UNC5C: variants seen among roughly 807,000 people sequenced by gnomAD.
The protein encoded by UNC5C is unc-5 netrin receptor C.
In UNC5C, 47 loss-of-function variants were observed where a neutral mutation model predicts 99.8. The ratio of observed to expected loss-of-function variants is 0.47; its 90% CI spans 0.37 to 0.60. The LOEUF (loss-of-function observed/expected upper bound fraction) is 0.60, where lower values mean the gene tolerates loss of function less well. Among genes scored for constraint, UNC5C ranks in the 20% least tolerant of loss-of-function variants. The pLI is 0.00. For synonymous variants in UNC5C, 487 were observed against 452.2 expected, an observed-to-expected ratio of 1.08 and a Z score of -0.98; for missense variants, 1,062 against 1,165.9, an observed-to-expected ratio of 0.91 and a Z score of 1.30.
chr4:95,229,967 T>C (rs962465208), intron 7 of UNC5C, among the ~76,000 whole-genome samples: 1 of 151,968 alleles, frequency 6.6e-6, no homozygotes, highest in Admixed American at 6.6e-5. Context: ...TCTGCCACCA[T>C]GGCCAACTAA....
chr4:95,285,595 A>G (rs1309545038), intron 3 of UNC5C, among the ~76,000 whole-genome samples: 1 of 152,210 alleles, frequency 6.6e-6, no homozygotes, highest in African/African-American at 2.4e-5. Flanking sequence ...TCCATAAACT[A>G]TAGTATCTAA....
At chr4:95,422,238 C>T (rs550021372) in intron 1 of UNC5C, among the ~76,000 whole-genome samples, 75 of 152,226 alleles carry the variant, frequency 4.9e-4, no homozygotes, top group African/African-American at 1.6e-3. Flanking sequence ...ATCTTCTTGG[C>T]ATGTTATGGT....
intron 5 of UNC5C, chr4:95,248,205 T>C (rs943631360): frequency 4.1e-6 from 1 of 244,380 alleles, no homozygotes; most frequent in African/African-American, 2.4e-5. Context: ...ACTTCCACTC[T>C]TTTAGGATTT....
intron 1 of UNC5C, among the ~76,000 whole-genome samples, chr4:95,543,100 G>A (rs1722958349): frequency 6.6e-6 from 1 of 151,960 alleles, no homozygotes; most frequent in South Asian, 2.1e-4. Flanking sequence ...AATACCAAAG[G>A]TCTCATATTC....
At position 95,301,327 on chromosome 4, in the gene UNC5C, C is replaced by A. The variant is rs181383223; in HGVS notation, c.490+279G>T. On this transcript the variant is annotated intron_variant, in intron 3 of 15. Coordinates refer to ENST00000453304, the MANE Select transcript of UNC5C (RefSeq NM_003728.4). ...TCTCCTGCCTCAGCCTCCCGAGTAA[C>A]TGGGACTACAGGCGCCTGCCACCAT... Among the ~76,000 whole-genome samples, 745 of 151,570 alleles carry A rather than the reference C, an allele frequency of 4.9e-3. 7 individuals are homozygous for A. Among genetic ancestry groups the A allele is most frequent in the African/African-American group, 0.017 (713 of 41,376 alleles).
intron 4 of UNC5C, among the ~76,000 whole-genome samples, chr4:95,258,902 C>T (rs1257913198): frequency 6.7e-6 from 1 of 149,638 alleles, no homozygotes; most frequent in East Asian, 2.0e-4. Flanking sequence ...GCTGGGACTA[C>T]AGGCGCCCGC....
intron 1 of UNC5C, among the ~76,000 whole-genome samples, chr4:95,513,047 C>T (rs539943356): frequency 7.9e-5 from 12 of 152,162 alleles, no homozygotes; most frequent in Non-Finnish European, 1.5e-4. Context: ...GCATCACAAC[C>T]TCCACAAGTG....
intron 1 of UNC5C, among the ~76,000 whole-genome samples, chr4:95,395,224 A>G (rs1745477126): frequency 6.6e-6 from 1 of 152,114 alleles, no homozygotes; most frequent in Non-Finnish European, 1.5e-5. Flanking sequence ...ATGCAAAGTT[A>G]TTTGCTTTTT....
At chr4:95,453,253 A>G (rs1490563768) in intron 1 of UNC5C, among the ~76,000 whole-genome samples, 1 of 152,266 alleles carries the variant, frequency 6.6e-6, no homozygotes, top group African/African-American at 2.4e-5. Flanking sequence ...GAAAACAGAC[A>G]GATCAAAATC....
intron 1 of UNC5C, among the ~76,000 whole-genome samples, chr4:95,347,063 A>G (rs867211931): frequency 6.6e-6 from 1 of 152,102 alleles, no homozygotes; most frequent in Non-Finnish European, 1.5e-5. Context: ...CAAATTCAGT[A>G]AAGTTGCAGG....
chr4:95,185,254 C>G, intron 12 of UNC5C, 58 bp from the exon 13 acceptor site: 1 of 1,533,658 alleles, frequency 6.5e-7, no homozygotes, highest in Non-Finnish European at 8.7e-7. Context: ...CTTCTGTCAG[C>G]TCTCTCATTG....
chr4:95,242,560 G>A lies in UNC5C; in HGVS notation c.977C>T (p.Ser326Phe). ...DGRWTPWSKW[S>F]TCGTECTHWR... ...GTGGGTGCACTCAGTTCCACAAGTA[G>A]ACCACTTGCTCCATGGCGTCCACCT... Residue 326 changes from serine (S) to phenylalanine (F), a missense_variant, in exon 7 of 16, where the codon TCT (serine) becomes TTT (phenylalanine). Ser to Phe is a radical substitution (Grantham distance 155, BLOSUM62 -2). Coordinates refer to ENST00000453304, the MANE Select transcript of UNC5C (RefSeq NM_003728.4). The A allele has an allele frequency of 6.2e-7, 1 of 1,604,350 alleles. No homozygotes were observed. The highest frequency in any genetic ancestry group is 8.5e-7 in the Non-Finnish European group (1 of 1,174,902).
chr4:95,459,985 A>T (rs1747552845), intron 1 of UNC5C, among the ~76,000 whole-genome samples: 1 of 152,198 alleles, frequency 6.6e-6, no homozygotes, highest in Non-Finnish European at 1.5e-5. Context: ...ATTATTATTG[A>T]TAATAGCGAG....
chr4:95,180,446 T>TATCA (rs1736568239), intron 14 of UNC5C, among the ~76,000 whole-genome samples: 1 of 152,250 alleles, frequency 6.6e-6, no homozygotes, highest in Admixed American at 6.5e-5. Flanking sequence ...CAAAATCTTT[T>TATCA]ATCATCTTTT....
intron 1 of UNC5C, among the ~76,000 whole-genome samples, chr4:95,504,714 T>C (rs982230992): frequency 5.9e-5 from 9 of 152,018 alleles, no homozygotes; most frequent in African/African-American, 1.9e-4. Context: ...GCACGAAAAA[T>C]TAACCTTTGT....
Position 95,548,902 on chromosome 4 carries a change from C to A in UNC5C, c.-45G>T, listed in dbSNP as rs1437739571. ...GGGGGAGGGGAGGGGGACAGAGAGACGCGCAAACAGCTGAAAGCCCCACTG... is the reference window on the plus strand; with the variant it reads ...GGGGGAGGGGAGGGGGACAGAGAGAAGCGCAAACAGCTGAAAGCCCCACTG... On this transcript the variant is annotated 5_prime_UTR_variant, in exon 1 of 16. Coordinates refer to ENST00000453304, the MANE Select transcript of UNC5C (RefSeq NM_003728.4). 1.9e-6 allele frequency: 3 copies of A among 1,607,512 alleles called. No homozygotes were observed. The highest frequency in any genetic ancestry group is 2.5e-6 in the Non-Finnish European group (3 of 1,177,224).
At chr4:95,499,613 G>C (rs72876467) in intron 1 of UNC5C, among the ~76,000 whole-genome samples, 15,832 of 151,986 alleles carry the variant, frequency 0.1, 2,245 homozygotes, top group African/African-American at 0.32. Context: ...CTGATCTGGC[G>C]AGAGAAGTGA....
chr4:95,473,750 T>C (rs78208308), intron 1 of UNC5C, among the ~76,000 whole-genome samples: 216 of 152,256 alleles, frequency 1.4e-3, no homozygotes, highest in African/African-American at 4.9e-3. Flanking sequence ...CACTCCTCTG[T>C]GCCATGTTCC....
intron 3 of UNC5C, among the ~76,000 whole-genome samples, chr4:95,299,653 T>C (rs1741797853): frequency 2.0e-5 from 3 of 152,048 alleles, no homozygotes; most frequent in Admixed American, 2.0e-4. Context: ...TGGTGGAAGA[T>C]GAAGGAAGAG....
Sources: gnomAD v4.1 joint callset for allele counts (sites outside exome capture counted in the v4.1 genomes callset) on GRCh38, gnomAD v4.1.1 for gene constraint, MANE v1.5 for transcripts, NCBI Gene and HGNC (gene_info 2026-07-23, HGNC 2026-07-21) for gene names.